Variants in PAX2 observed in about 807,000 individuals in gnomAD.
PAX2 encodes paired box protein Pax-2.
PAX2 carries 9 observed loss-of-function variants against 41.7 expected under a neutral mutation model. The ratio of observed to expected loss-of-function variants is 0.22; its 90% CI spans 0.13 to 0.38. The LOEUF is 0.38. PAX2 is among the 10% of genes least tolerant of loss of function. The pLI is 1.00. For synonymous variants in PAX2, 221 were observed against 212.7 expected, an observed-to-expected ratio of 1.04 and a Z score of -0.34; for missense variants, 418 against 531.6, an observed-to-expected ratio of 0.79 and a Z score of 2.10.
At position 100,746,111 on chromosome 10, in the gene PAX2, G is replaced by GC. The variant is rs1433988854; in HGVS notation, c.-144dup. The GC allele has an allele frequency of 2.0e-6, 3 of 1,529,640 alleles. No individual in the cohort carries two copies. Among genetic ancestry groups the GC allele is most frequent in the Admixed American group, 1.9e-5 (1 of 53,882 alleles). The allele number at this position is 1,529,640 out of a possible 1,614,324, so 94.8% of individuals were successfully genotyped here. A position where few individuals can be genotyped will look rare whatever the true frequency, so the allele number is the denominator to read the frequency against. On this transcript the variant is annotated 5_prime_UTR_variant, in exon 1 of 10. Coordinates refer to ENST00000355243, the MANE Select transcript of PAX2 (RefSeq NM_000278.5). ...GCCCCAGCGGGGAGCGCAGTGCTGCGCCCCCCGCCCCCGCGCGCCCCGCAG... is the reference window on the plus strand; with the variant it reads ...GCCCCAGCGGGGAGCGCAGTGCTGCGCCCCCCCGCCCCCGCGCGCCCCGCAG...
At chr10:100,767,083 T>C (rs1846055654) in intron 3 of PAX2, among the ~76,000 whole-genome samples, 1 of 152,100 alleles carries the variant, frequency 6.6e-6, no homozygotes, top group South Asian at 2.1e-4. Flanking sequence ...GTCAACACAA[T>C]GCAATAATAC....
intron 5 of PAX2, among the ~76,000 whole-genome samples, chr10:100,793,383 C>A (rs1166779992): frequency 1.3e-5 from 2 of 152,270 alleles, no homozygotes; most frequent in Non-Finnish European, 2.9e-5. Flanking sequence ...CCCTCTCCCA[C>A]AACTTGTGTG....
At chr10:100,794,798 G>A (rs1362714826) in intron 5 of PAX2, among the ~76,000 whole-genome samples, 1 of 152,116 alleles carries the variant, frequency 6.6e-6, no homozygotes, top group Non-Finnish European at 1.5e-5. Context: ...CTAAAACCTC[G>A]AGATCTTTTT....
intron 1 of PAX2, chr10:100,749,014 A>T: frequency 1.0e-6 from 1 of 985,474 alleles, no homozygotes; most frequent in Non-Finnish European, 1.2e-6. Flanking sequence ...CTCTGAGCGC[A>T]GCAGACCCCG....
At chr10:100,808,036 G>A (rs1006992815) in intron 6 of PAX2, among the ~76,000 whole-genome samples, 1 of 152,210 alleles carries the variant, frequency 6.6e-6, no homozygotes, top group Non-Finnish European at 1.5e-5. Context: ...GTCCCCGCCT[G>A]TATTACAATG....
chr10:100,760,310 A>C (rs1370504275), intron 3 of PAX2, among the ~76,000 whole-genome samples: 1 of 152,182 alleles, frequency 6.6e-6, no homozygotes, highest in African/African-American at 2.4e-5. Flanking sequence ...TCCCAGAATG[A>C]AAGTCCCTGT....
intron 3 of PAX2, among the ~76,000 whole-genome samples, chr10:100,760,953 T>C (rs1301552756): frequency 1.3e-5 from 2 of 152,162 alleles, no homozygotes; most frequent in African/African-American, 4.8e-5. Context: ...GTCTGGAGTC[T>C]GGGAGAGCCA....
rs568240435 is a variant in PAX2 at position 100,796,188 on chromosome 10, A to C, written c.617-10242A>C. On this transcript the variant is annotated intron_variant, in intron 5 of 9. Transcript: ENST00000355243. ...TGGAAGAGATAGTAAATTTTTAAAA[A>C]TTCACTCACAATGTCGTCACCAGGA... Among the ~76,000 whole-genome samples the C allele has an allele frequency of 5.9e-5, 9 of 152,334 alleles. No individual in the cohort carries two copies. In the South Asian group the frequency reaches 1.4e-3, roughly 25 times the overall value.
intron 1 of PAX2, chr10:100,749,421 T>A: frequency 8.5e-7 from 1 of 1,177,978 alleles, no homozygotes; most frequent in Non-Finnish European, 1.0e-6. Context: ...CCCTTTCCGC[T>A]GGCATGAATT....
At chr10:100,775,734 G>A (rs1025247374) in intron 3 of PAX2, among the ~76,000 whole-genome samples, 9 of 152,214 alleles carry the variant, frequency 5.9e-5, no homozygotes, top group Admixed American at 5.2e-4. Context: ...GGCCCAGTGA[G>A]CTCACAGAAG....
intron 1 of PAX2, chr10:100,747,294 T>C (rs1380814584): frequency 6.6e-6 from 1 of 150,694 alleles, no homozygotes; most frequent in African/African-American, 2.5e-5. Context: ...ATGCCAAAGC[T>C]GAGGAGAAAG....
At chr10:100,745,269 G>A (rs1421960371), upstream of PAX2, among the ~76,000 whole-genome samples, 1 of 152,190 alleles carries the variant, frequency 6.6e-6, no homozygotes, top group Non-Finnish European at 1.5e-5. Flanking sequence ...TCGTTTCTCA[G>A]TGTAGTTTTA....
chr10:100,805,946 A>G (rs781496857), intron 5 of PAX2, among the ~76,000 whole-genome samples: 35 of 151,696 alleles, frequency 2.3e-4, no homozygotes, highest in Non-Finnish European at 4.6e-4. Flanking sequence ...TCCAGGTTAC[A>G]CTCGGCCTCG....
intron 6 of PAX2, among the ~76,000 whole-genome samples, chr10:100,807,083 C>T (rs748031048): frequency 1.2e-4 from 18 of 152,074 alleles, no homozygotes; most frequent in Non-Finnish European, 2.5e-4. Context: ...CTGCCTCCTG[C>T]TCCCCAAGCC....
intron 7 of PAX2, among the ~76,000 whole-genome samples, chr10:100,815,894 C>T (rs1001970223): frequency 1.3e-5 from 2 of 152,172 alleles, no homozygotes; most frequent in Non-Finnish European, 2.9e-5. Context: ...AGTACCCTGG[C>T]TGAGAATGGG....
chr10:100,746,138 A>T lies in PAX2; in HGVS notation c.-123A>T, dbSNP rs941015619. ...CCCCCGCCCCCGCGCGCCCCGCAGCAGCCGGGCGTTCACTCATCCTCCCTC... is the reference window on the plus strand; with the variant it reads ...CCCCCGCCCCCGCGCGCCCCGCAGCTGCCGGGCGTTCACTCATCCTCCCTC... On this transcript the variant is annotated 5_prime_UTR_variant, in exon 1 of 10. Transcript: ENST00000355243. The T allele has an allele frequency of 2.7e-6, 4 of 1,478,766 alleles. No homozygotes were observed. Among genetic ancestry groups the T allele is most frequent in the Non-Finnish European group, 3.6e-6 (4 of 1,103,056 alleles). 91.6% of individuals were successfully genotyped at this position (1,478,766 alleles called of 1,614,324 possible).
Position 100,791,059 on chromosome 10 carries a change from T to A in PAX2, c.616+9694T>A, listed in dbSNP as rs141352979. 5.9e-3 allele frequency among the ~76,000 whole-genome samples: 895 copies of A among 152,332 alleles called. 10 individuals carry two copies. The highest frequency in any genetic ancestry group is 0.021 in the African/African-American group (856 of 41,584). ...ACAAACCTCAACCTGCACGGAGGCC[T>A]GGCCTTCCCTCCCTCCCATTCTTGG... On this transcript the variant is annotated intron_variant, in intron 5 of 9. Coordinates refer to ENST00000355243, the MANE Select transcript of PAX2 (RefSeq NM_000278.5). This position sits in a 1 kb window ranked among gnomAD's most constrained non-coding sequence, Gnocchi z 4.5.
At chr10:100,805,933 G>T (rs1280089054) in intron 5 of PAX2, among the ~76,000 whole-genome samples, 1 of 152,182 alleles carries the variant, frequency 6.6e-6, no homozygotes, top group Admixed American at 6.5e-5. Flanking sequence ...ACTTCACCCA[G>T]TCTCCAGGTT....
At chr10:100,742,336 G>T (rs190740919), upstream of PAX2, among the ~76,000 whole-genome samples, 148 of 111,126 alleles carry the variant, frequency 1.3e-3, no homozygotes, top group Middle Eastern at 8.1e-3. Flanking sequence ...GCGCCGGTGC[G>T]TGGGTACACT....
Sources: gnomAD v4.1 joint callset for allele counts (sites outside exome capture counted in the v4.1 genomes callset) on GRCh38, gnomAD v4.1.1 for gene constraint, Gnocchi (gnomAD v3.1) non-coding constraint, MANE v1.5 for transcripts, NCBI Gene and HGNC (gene_info 2026-07-23, HGNC 2026-07-21) for gene names.